GPALPP1: variants seen among roughly 807,000 people sequenced by gnomAD.
The protein encoded by GPALPP1 is GPALPP motifs containing 1, also known as GPALPP motifs-containing protein 1.
GPALPP1 carries 30 observed loss-of-function variants against 38.9 expected under a neutral mutation model. The observed-to-expected ratio is 0.77, with a 90% CI of 0.58 to 1.05. The LOEUF (loss-of-function observed/expected upper bound fraction) is 1.05, where lower values mean the gene tolerates loss of function less well. Among genes scored for constraint, GPALPP1 ranks in the 50% least tolerant of loss-of-function variants. The probability of loss-of-function intolerance (pLI) is 0.00; values close to 1 mark genes in which losing one functional copy is unlikely to be tolerated. For missense variants in GPALPP1, 384 were observed against 408.8 expected (o/e 0.94, Z 0.52); for synonymous variants, 120 against 139.2 (o/e 0.86, Z 0.97).
intron 1 of GPALPP1, among the ~76,000 whole-genome samples, chr13:44,994,889 T>C (rs185238884): frequency 1.2e-4 from 18 of 152,130 alleles, no homozygotes; most frequent in African/African-American, 3.6e-4. Context: ...GTTTCGCTCT[T>C]GTTGCCCAGG....
intron 7 of GPALPP1, among the ~76,000 whole-genome samples, chr13:45,025,941 T>C (rs1255941990): frequency 2.0e-5 from 3 of 152,142 alleles, no homozygotes; most frequent in Non-Finnish European, 4.4e-5. Flanking sequence ...TGGCTAATTT[T>C]GTATTTTTAG....
intron 1 of GPALPP1, 180 bp downstream of exon 1, chr13:44,989,922 C>G: frequency 1.7e-6 from 1 of 597,828 alleles, no homozygotes. Flanking sequence ...GGGGGACCCT[C>G]CTAGAAACGA....
At chr13:45,000,963 G>T (rs1322035911) in intron 1 of GPALPP1, among the ~76,000 whole-genome samples, 1 of 152,094 alleles carries the variant, frequency 6.6e-6, no homozygotes, top group Admixed American at 6.5e-5. Flanking sequence ...AAATTTTTTT[G>T]AAATAGGCCA....
rs1431271425 is a variant in GPALPP1 at position 45,029,913 on chromosome 13, T to TA, written c.*1911dup. 6.6e-6 allele frequency: 1 copy of TA among 152,208 alleles called. No individual in the cohort carries two copies. Among genetic ancestry groups the TA allele is most frequent in the Non-Finnish European group, 1.5e-5 (1 of 68,020 alleles). 9.4% of individuals were successfully genotyped at this position (152,208 alleles called of 1,614,324 possible). A position where few individuals can be genotyped will look rare whatever the true frequency, so the allele number is the denominator to read the frequency against. On this transcript the variant is annotated 3_prime_UTR_variant, in exon 8 of 8. Coordinates refer to ENST00000379151, the MANE Select transcript of GPALPP1 (RefSeq NM_018559.5). ...TCTAGGGGAGGCAATCAAGATAAGA[T>TA]ATGCCATTAACTGTTAGCATTGTGA... is the stretch of plus-strand genomic sequence containing the variant.
At chr13:45,024,733 C>T (rs1186471657) in intron 7 of GPALPP1, among the ~76,000 whole-genome samples, 1 of 151,842 alleles carries the variant, frequency 6.6e-6, no homozygotes, top group Non-Finnish European at 1.5e-5. Context: ...TCAAGACCAG[C>T]CTGGCCAACA....
intron 6 of GPALPP1, among the ~76,000 whole-genome samples, chr13:45,018,504 T>C (rs900135117): frequency 6.6e-6 from 1 of 152,170 alleles, no homozygotes; most frequent in Non-Finnish European, 1.5e-5. Flanking sequence ...CGATATCTAC[T>C]ACCTCTTAAT....
chr13:44,991,447 A>G (rs1872801246), intron 1 of GPALPP1, among the ~76,000 whole-genome samples: 1 of 149,088 alleles, frequency 6.7e-6, no homozygotes, highest in African/African-American at 2.4e-5. Context: ...CTCTGTCTCA[A>G]AAAAAAAAAA....
At chr13:45,034,731 T>TA (rs1876344390), downstream of GPALPP1, 2 of 149,944 alleles carry the variant, frequency 1.3e-5, no homozygotes, top group South Asian at 4.2e-4. Flanking sequence ...TATTTCTTTT[T>TA]TTTTTTTTTT....
At chr13:45,006,165 G>T in intron 2 of GPALPP1, 37 bp from the exon 3 acceptor site, 2 of 1,207,196 alleles carry the variant, frequency 1.7e-6, no homozygotes, top group East Asian at 2.4e-5. Flanking sequence ...AAAAAATTTT[G>T]ACATATATGC....
intron 7 of GPALPP1, 93 bp from the exon 8 acceptor site, chr13:45,027,692 C>T (rs1012633508): frequency 1.6e-6 from 1 of 621,878 alleles, no homozygotes; most frequent in East Asian, 2.7e-5. Flanking sequence ...CCTTAATGTG[C>T]ACCATTACTA....
rs1214014247 is a variant in GPALPP1 at position 45,006,244 on chromosome 13, T to G, written c.264T>G (p.Asp88Glu). 1 of 1,610,988 alleles carries G rather than the reference T, an allele frequency of 6.2e-7. No individual in the cohort carries two copies. Among genetic ancestry groups the G allele is most frequent in the South Asian group, 1.1e-5 (1 of 90,716 alleles). The part of the protein sequence containing the change: ...KNQDDDDDDD[D>E]GFFGPALPPG... ...AGGATGATGACGATGATGATGATGA[T>G]GGGTTTTTTGGACCAGCCCTTCCTC... Residue 88 changes from aspartate (D) to glutamate (E), a missense_variant, in exon 3 of 8, where the codon GAT becomes GAG. Coordinates refer to ENST00000379151, the MANE Select transcript of GPALPP1 (RefSeq NM_018559.5).
exon 8 of GPALPP1, chr13:45,037,240 G>C (rs1876420499): frequency 6.6e-6 from 1 of 152,140 alleles, no homozygotes; most frequent in Admixed American, 6.5e-5. Flanking sequence ...TCAGAGCTCT[G>C]AGATGAAAAT....
chr13:45,031,992 T>C (rs975249381), downstream of GPALPP1: 1 of 152,368 alleles, frequency 6.6e-6, no homozygotes, highest in Admixed American at 6.5e-5. Context: ...TTAATGTTCT[T>C]ACCATTGAAT....
intron 6 of GPALPP1, among the ~76,000 whole-genome samples, chr13:45,019,653 GT>G (rs35749146): frequency 0.11 from 8,120 of 75,856 alleles, 340 homozygotes; most frequent in African/African-American, 0.2. Flanking sequence ...CCTTTTCTTT[GT>G]TTTTTTTTCC....
chr13:45,008,682 A>G (rs1414965191), intron 3 of GPALPP1, 113 bp from the exon 4 acceptor site: 1 of 603,982 alleles, frequency 1.7e-6, no homozygotes, highest in Non-Finnish European at 3.0e-6. Context: ...GTTAAATAAA[A>G]TTCTTATTTT....
At chr13:45,005,504 ATATTATCAGGT>A (rs1334527379) in intron 2 of GPALPP1, among the ~76,000 whole-genome samples, 1 of 152,152 alleles carries the variant, frequency 6.6e-6, no homozygotes, top group African/African-American at 2.4e-5. Flanking sequence ...TTCATTTTAA[ATATTATCAGGT>A]GGAAATAGCA....
chr13:45,014,499 G>A (rs892726285), intron 4 of GPALPP1, among the ~76,000 whole-genome samples: 3 of 152,020 alleles, frequency 2.0e-5, no homozygotes, highest in African/African-American at 7.3e-5. Flanking sequence ...CAAAAAAAAA[G>A]AAACCAGAAA....
chr13:45,019,709 T>A (rs1333480270), intron 6 of GPALPP1, among the ~76,000 whole-genome samples: 1 of 151,386 alleles, frequency 6.6e-6, no homozygotes, highest in African/African-American at 2.4e-5. Flanking sequence ...TAATGTAGGA[T>A]ATCTTTTTAA....
chr13:45,018,522 G>A (rs547558491), intron 6 of GPALPP1, among the ~76,000 whole-genome samples: 6 of 152,140 alleles, frequency 3.9e-5, no homozygotes, highest in African/African-American at 1.4e-4. Flanking sequence ...AATATTAAAT[G>A]GTTAGGTTTT....
Sources: gnomAD v4.1 joint callset for allele counts (sites outside exome capture counted in the v4.1 genomes callset) on GRCh38, gnomAD v4.1.1 for gene constraint, MANE v1.5 for transcripts, NCBI Gene and HGNC (gene_info 2026-07-23, HGNC 2026-07-21) for gene names.